SNX29: variants seen among roughly 807,000 people sequenced by gnomAD.
SNX29 encodes sorting nexin 29.
In SNX29, 78 loss-of-function variants were observed where a neutral mutation model predicts 102.1. That is an observed-to-expected ratio of 0.76 (90% CI 0.64 to 0.92). SNX29 has a LOEUF of 0.92. SNX29 is among the 40% of genes least tolerant of loss of function. The probability of loss-of-function intolerance (pLI) is 0.00; values close to 1 mark genes in which losing one functional copy is unlikely to be tolerated. For missense variants in SNX29, 1,280 were observed against 1,061.7 expected (o/e 1.21, Z -2.86); for synonymous variants, 580 against 414.5 (o/e 1.40, Z -4.85).
intron 20 of SNX29, among the ~76,000 whole-genome samples, chr16:12,565,552 G>T (rs1274935737): frequency 6.6e-6 from 1 of 152,096 alleles, no homozygotes; most frequent in East Asian, 1.9e-4. Flanking sequence ...AACCATCCCT[G>T]TGTCACAGAA....
chr16:12,393,958 G>T (rs1278769946), intron 16 of SNX29, among the ~76,000 whole-genome samples: 1 of 152,192 alleles, frequency 6.6e-6, no homozygotes, highest in African/African-American at 2.4e-5. Context: ...AGGAAGCCCA[G>T]GATTAGAACT....
At chr16:12,218,752 T>G in intron 14 of SNX29, among the ~76,000 whole-genome samples, 1 of 152,094 alleles carries the variant, frequency 6.6e-6, no homozygotes, top group Non-Finnish European at 1.5e-5. Flanking sequence ...GGAATTTAGG[T>G]TGTTTCCAGG....
intron 20 of SNX29, among the ~76,000 whole-genome samples, chr16:12,556,164 G>A (rs991535168): frequency 7.9e-5 from 12 of 152,024 alleles, no homozygotes; most frequent in South Asian, 2.1e-4. Flanking sequence ...TCGCTTTGTC[G>A]CCATGACACA....
chr16:12,208,503 C>T (rs1298681941), intron 14 of SNX29, among the ~76,000 whole-genome samples: 2 of 152,160 alleles, frequency 1.3e-5, no homozygotes, highest in African/African-American at 4.8e-5. Context: ...TATACTGAGT[C>T]ACTTGGCTGG....
At chr16:12,527,380 C>A (rs182640871) in intron 20 of SNX29, 4 of 502,572 alleles carry the variant, frequency 8.0e-6, no homozygotes, top group Non-Finnish European at 1.5e-5. Context: ...ATAAAAATCT[C>A]CTGCCTAAGG....
At chr16:12,540,105 CAT>C (rs1051090312) in intron 20 of SNX29, among the ~76,000 whole-genome samples, 100 of 152,330 alleles carry the variant, frequency 6.6e-4, no homozygotes, top group African/African-American at 2.1e-3. Context: ...AAACCCAGGT[CAT>C]AAAGATTTTC....
At chr16:12,453,525 C>T (rs937464993) in intron 18 of SNX29, among the ~76,000 whole-genome samples, 1 of 152,002 alleles carries the variant, frequency 6.6e-6, no homozygotes, top group African/African-American at 2.4e-5. Flanking sequence ...GTCATGGAGT[C>T]CAGCTGGAGT....
chr16:12,562,246 G>A (rs906578445), intron 20 of SNX29, among the ~76,000 whole-genome samples: 1 of 152,106 alleles, frequency 6.6e-6, no homozygotes, highest in East Asian at 1.9e-4. Context: ...AAGGGCGAGG[G>A]CATTCACTAA....
chr16:12,481,443 C>A (rs892299203), intron 19 of SNX29, among the ~76,000 whole-genome samples: 2 of 124,416 alleles, frequency 1.6e-5, no homozygotes, highest in East Asian at 4.7e-4. Flanking sequence ...CATATATACA[C>A]ACACATATAT....
chr16:12,425,714 C>G (rs918370830), intron 18 of SNX29, among the ~76,000 whole-genome samples: 1 of 152,054 alleles, frequency 6.6e-6, no homozygotes, highest in Non-Finnish European at 1.5e-5. Flanking sequence ...CTGGAGTTTG[C>G]ACAGATGATT....
intron 11 of SNX29, among the ~76,000 whole-genome samples, chr16:12,113,074 C>T (rs2053561174): frequency 6.6e-6 from 1 of 152,212 alleles, no homozygotes; most frequent in South Asian, 2.1e-4. Flanking sequence ...CATTTCTGGG[C>T]CTTGCTTGCC....
intron 18 of SNX29, among the ~76,000 whole-genome samples, chr16:12,421,277 C>G (rs1398660378): frequency 1.3e-5 from 2 of 152,148 alleles, no homozygotes; most frequent in Non-Finnish European, 2.9e-5. Flanking sequence ...CTCCTAAGAG[C>G]CAAGGAGGTG....
At chr16:12,294,828 G>T (rs917346561) in intron 15 of SNX29, among the ~76,000 whole-genome samples, 1 of 152,060 alleles carries the variant, frequency 6.6e-6, no homozygotes, top group Non-Finnish European at 1.5e-5. Context: ...AGAGATGACT[G>T]TCCCTTCCTG....
intron 20 of SNX29, chr16:12,557,799 C>G (rs1310733358): frequency 6.6e-6 from 1 of 152,204 alleles, no homozygotes; most frequent in African/African-American, 2.4e-5. Flanking sequence ...CTTACAGGAT[C>G]ACTATCATAT....
chr16:12,569,375 A>C lies in SNX29; in HGVS notation c.*746A>C, dbSNP rs985723649. ...CGCCAGGCTTGGAGTGGGGGGACTC[A>C]GACATCTGGCCCAGCCATCAGCAGC... On this transcript the variant is annotated 3_prime_UTR_variant, in exon 21 of 21. Transcript: ENST00000566228. 2.2e-5 allele frequency: 5 copies of C among 230,280 alleles called. No individual in the cohort carries two copies. The highest frequency in any genetic ancestry group is 5.7e-5 in the Admixed American group (1 of 17,620). 14.3% of individuals were successfully genotyped at this position (230,280 alleles called of 1,614,324 possible).
At chr16:12,153,057 C>G (rs1345096018) in intron 13 of SNX29, among the ~76,000 whole-genome samples, 1 of 152,194 alleles carries the variant, frequency 6.6e-6, no homozygotes, top group Non-Finnish European at 1.5e-5. Context: ...ATTACTATAG[C>G]TTTCTTTTGT....
At chr16:12,207,829 A>G (rs993199348) in intron 14 of SNX29, among the ~76,000 whole-genome samples, 7 of 152,166 alleles carry the variant, frequency 4.6e-5, no homozygotes, top group South Asian at 4.1e-4. Flanking sequence ...TTTTGCTATT[A>G]TGGGTTATTC....
chr16:12,229,295 T>C (rs1277786010), intron 14 of SNX29, among the ~76,000 whole-genome samples: 2 of 152,244 alleles, frequency 1.3e-5, no homozygotes, highest in Non-Finnish European at 2.9e-5. Flanking sequence ...AGGTGTTCAG[T>C]AAATATGATT....
chr16:12,252,975 G>T (rs188051000), intron 14 of SNX29, among the ~76,000 whole-genome samples: 1 of 152,228 alleles, frequency 6.6e-6, no homozygotes. Flanking sequence ...GGATAGGAGT[G>T]GGGGAGGGTT....
Sources: allele counts gnomAD v4.1 joint callset (sites outside exome capture counted in the v4.1 genomes callset), GRCh38; gene constraint gnomAD v4.1.1; transcripts MANE v1.5; gene names NCBI Gene and HGNC (gene_info 2026-07-23, HGNC 2026-07-21).